CNTN4: variants seen among roughly 807,000 people sequenced by gnomAD.
CNTN4 encodes the protein contactin 4.
Under a neutral mutation model 122.5 loss-of-function variants are expected in CNTN4, and 77 were observed. The observed-to-expected ratio is 0.63, with a 90% confidence interval of 0.52 to 0.76. CNTN4 has a LOEUF of 0.76. CNTN4 is among the 30% of genes least tolerant of loss of function. The probability of loss-of-function intolerance (pLI) is 0.00; values close to 1 mark genes in which losing one functional copy is unlikely to be tolerated. For missense variants in CNTN4, 1,256 were observed against 1,259.1 expected (o/e 1.00, Z 0.04); for synonymous variants, 512 against 447.0 (o/e 1.15, Z -1.83).
chr3:2,886,074 G>A (rs896119895), intron 9 of CNTN4, among the ~76,000 whole-genome samples: 1 of 152,048 alleles, frequency 6.6e-6, no homozygotes, highest in African/African-American at 2.4e-5. Context: ...GTTAAAAAGC[G>A]CTACCAGATT....
chr3:2,909,299 A>G (rs923719490), intron 12 of CNTN4, among the ~76,000 whole-genome samples: 1 of 152,184 alleles, frequency 6.6e-6, no homozygotes, highest in African/African-American at 2.4e-5. Context: ...TTATCAAGTT[A>G]TTGATCATAT....
intron 3 of CNTN4, among the ~76,000 whole-genome samples, chr3:2,485,193 T>C (rs1248314353): frequency 2.0e-5 from 3 of 152,350 alleles, no homozygotes; most frequent in East Asian, 1.9e-4. Context: ...CCTCTCCCCC[T>C]GTGGCTGTGG....
chr3:2,827,279 A>C lies in CNTN4; in HGVS notation c.454+7698A>C, dbSNP rs144304348. 8.2e-3 allele frequency among the ~76,000 whole-genome samples: 1,252 copies of C among 152,260 alleles called. 26 individuals carry two copies. The highest frequency in any genetic ancestry group is 0.028 in the African/African-American group (1,152 of 41,536). On this transcript the variant is annotated intron_variant, in intron 7 of 24. Transcript: ENST00000418658. ...TCCTAGCATCACTTTCAAGTCCTCA[A>C]ACACCACTATAATGCCAACCAAATT...
chr3:2,812,707 A>G (rs568074092), intron 6 of CNTN4, among the ~76,000 whole-genome samples: 28 of 152,218 alleles, frequency 1.8e-4, no homozygotes, highest in Non-Finnish European at 3.1e-4. Flanking sequence ...TAGTGCTAAC[A>G]TTTATAGACT....
chr3:3,042,800 C>A, intron 21 of CNTN4, 177 bp from the exon 22 acceptor site: 1 of 635,826 alleles, frequency 1.6e-6, no homozygotes. Context: ...AAAAGGGACC[C>A]TTCTTACTTT....
At chr3:2,825,446 A>G (rs768243762) in intron 7 of CNTN4, among the ~76,000 whole-genome samples, 4 of 151,606 alleles carry the variant, frequency 2.6e-5, no homozygotes, top group Non-Finnish European at 5.9e-5. Flanking sequence ...CTGGTCTCAA[A>G]CTCCTGACCT....
At chr3:2,244,299 T>C (rs1014213548) in intron 2 of CNTN4, among the ~76,000 whole-genome samples, 21 of 152,070 alleles carry the variant, frequency 1.4e-4, no homozygotes, top group African/African-American at 4.6e-4. Context: ...TCACCTATTT[T>C]TGGACTGTGG....
intron 3 of CNTN4, among the ~76,000 whole-genome samples, chr3:2,518,252 C>T (rs1407046907): frequency 2.0e-5 from 3 of 152,042 alleles, no homozygotes; most frequent in East Asian, 1.9e-4. Flanking sequence ...CGCACATGCA[C>T]GCATCTAGGC....
At chr3:2,535,081 A>G (rs2077749676) in intron 3 of CNTN4, among the ~76,000 whole-genome samples, 1 of 152,136 alleles carries the variant, frequency 6.6e-6, no homozygotes. Context: ...ACTTTTCTTG[A>G]GGATTACTTT....
At chr3:2,247,283 A>C (rs1190103361) in intron 2 of CNTN4, among the ~76,000 whole-genome samples, 1 of 152,034 alleles carries the variant, frequency 6.6e-6, no homozygotes, top group Non-Finnish European at 1.5e-5. Context: ...TTAAATCATC[A>C]GATGCCATAG....
chr3:2,259,534 T>C (rs184753926), intron 2 of CNTN4, among the ~76,000 whole-genome samples: 5 of 152,268 alleles, frequency 3.3e-5, no homozygotes, highest in Admixed American at 1.3e-4. Flanking sequence ...GGACTCACAG[T>C]TCCACGTGTC....
chr3:2,140,328 G>A (rs148659025), intron 2 of CNTN4, among the ~76,000 whole-genome samples: 76 of 152,310 alleles, frequency 5.0e-4, no homozygotes, highest in African/African-American at 1.6e-3. Flanking sequence ...ATTAACAGAA[G>A]ATAAGTGCCT....
At chr3:2,613,878 T>G (rs967793523) in intron 4 of CNTN4, among the ~76,000 whole-genome samples, 18 of 152,138 alleles carry the variant, frequency 1.2e-4, no homozygotes, top group African/African-American at 4.3e-4. Context: ...CCACATTGAA[T>G]AAACCTCACC....
In CNTN4 at chr3:2,104,428, G is replaced by A. The variant is rs1402013941; in HGVS notation, c.-145+3789G>A. ...TTAACTTTTTACTTCTTGCTCATGT[G>A]TGGTAGTTCAGTACTCATAGAATAG... On this transcript the variant is annotated intron_variant, in intron 2 of 24. Transcript: ENST00000418658. Among the ~76,000 whole-genome samples the A allele has an allele frequency of 3.3e-5, 5 of 152,274 alleles. No homozygotes were observed. In the East Asian group the frequency reaches 9.6e-4, roughly 29 times the overall value.
chr3:2,637,859 T>C (rs535988085), intron 4 of CNTN4, among the ~76,000 whole-genome samples: 10 of 152,260 alleles, frequency 6.6e-5, no homozygotes, highest in Non-Finnish European at 1.3e-4. Flanking sequence ...TTCCCTTGAT[T>C]GACTCTTCAT....
intron 3 of CNTN4, among the ~76,000 whole-genome samples, chr3:2,340,908 G>T (rs551613475): frequency 6.6e-6 from 1 of 151,944 alleles, no homozygotes; most frequent in East Asian, 1.9e-4. Flanking sequence ...AGCTGCTTGG[G>T]TCTTCTGATC....
intron 13 of CNTN4, among the ~76,000 whole-genome samples, chr3:2,956,359 G>A (rs2094799337): frequency 6.6e-6 from 1 of 152,004 alleles, no homozygotes; most frequent in Non-Finnish European, 1.5e-5. Context: ...GAAGATGGAT[G>A]GTGGTGACAG....
chr3:2,378,634 T>C (rs533876580), intron 3 of CNTN4, among the ~76,000 whole-genome samples: 1 of 152,310 alleles, frequency 6.6e-6, no homozygotes, highest in South Asian at 2.1e-4. Context: ...CTCCCCGTAG[T>C]ACTTCAGGGA....
chr3:2,405,659 C>A (rs2047011314), intron 3 of CNTN4, among the ~76,000 whole-genome samples: 1 of 152,062 alleles, frequency 6.6e-6, no homozygotes, highest in Non-Finnish European at 1.5e-5. Context: ...TCAGCTCTTC[C>A]TTCCAGAAGA....
Sources: allele counts gnomAD v4.1 joint callset (sites outside exome capture counted in the v4.1 genomes callset), GRCh38; gene constraint gnomAD v4.1.1; transcripts MANE v1.5; gene names NCBI Gene and HGNC (gene_info 2026-07-23, HGNC 2026-07-21).